ANKS1B: variants seen among roughly 807,000 people sequenced by gnomAD.
ANKS1B encodes ankyrin repeat and sterile alpha motif domain containing 1B.
Under a neutral mutation model 148.3 loss-of-function variants are expected in ANKS1B, and 36 were observed. That is an observed-to-expected ratio of 0.24 (90% CI 0.19 to 0.32). The LOEUF (loss-of-function observed/expected upper bound fraction) is 0.32. Among genes scored for constraint, ANKS1B ranks in the 10% least tolerant of loss-of-function variants. The pLI is 1.00. For missense variants in ANKS1B, 1,157 were observed against 1,542.6 expected (o/e 0.75, Z 4.19); for synonymous variants, 542 against 560.8 (o/e 0.97, Z 0.47).
intron 1 of ANKS1B, among the ~76,000 whole-genome samples, chr12:99,919,102 G>A (rs1293982019): frequency 6.6e-6 from 1 of 152,118 alleles, no homozygotes; most frequent in Admixed American, 6.6e-5. Flanking sequence ...CCCTATGCTT[G>A]AGGCATCAGA....
intron 15 of ANKS1B, among the ~76,000 whole-genome samples, chr12:99,125,170 G>C (rs574166198): frequency 6.6e-6 from 1 of 152,304 alleles, no homozygotes; most frequent in South Asian, 2.1e-4. Context: ...ATGTGCGTGA[G>C]AGCAGGGGTA....
chr12:99,550,086 T>A (rs2097204553), intron 9 of ANKS1B, among the ~76,000 whole-genome samples: 1 of 152,200 alleles, frequency 6.6e-6, no homozygotes, highest in African/African-American at 2.4e-5. Flanking sequence ...TCTCTCTCTT[T>A]TACCCTCGCC....
rs1245021991 is a variant in ANKS1B, at chr12:99,984,121, G to T, written c.117C>A (p.Pro39=). 1 of 1,613,400 alleles carries T rather than the reference G, an allele frequency of 6.2e-7. No homozygotes were observed. Among genetic ancestry groups the T allele is most frequent in the South Asian group, 1.1e-5 (1 of 91,024 alleles). The change falls in exon 1 of 27, where the codon CCC becomes CCA. Residue 39 remains proline (P), a synonymous_variant. Transcript: ENST00000683438. ...GTCCTTACCTTAGCAGATTAGACAGGGGCAGGGGTCCGGATCCACCGCCCA... is the reference window on the plus strand; with the variant it reads ...GTCCTTACCTTAGCAGATTAGACAGTGGCAGGGGTCCGGATCCACCGCCCA... The part of the protein sequence containing the change: ...GILGGGSGPL[P]LSNLLSIWRG...
chr12:99,425,533 T>C (rs1046293323), intron 11 of ANKS1B, among the ~76,000 whole-genome samples: 5 of 151,954 alleles, frequency 3.3e-5, no homozygotes, highest in Admixed American at 3.3e-4. Flanking sequence ...CCACCATTGT[T>C]CTACAAGACT....
At chr12:99,510,025 G>C (rs866893993) in intron 9 of ANKS1B, among the ~76,000 whole-genome samples, 32 of 151,888 alleles carry the variant, frequency 2.1e-4, no homozygotes, top group African/African-American at 7.2e-4. Flanking sequence ...CATGTCTGTT[G>C]GCAGCATGTC....
intron 2 of ANKS1B, among the ~76,000 whole-genome samples, chr12:99,817,794 C>T (rs182627746): frequency 2.0e-5 from 3 of 151,830 alleles, no homozygotes; most frequent in African/African-American, 7.2e-5. Context: ...GCCTGTTGGT[C>T]ATTTGTAAGT....
At chr12:99,197,908 TAAG>T (rs1437393929) in intron 14 of ANKS1B, among the ~76,000 whole-genome samples, 3 of 152,296 alleles carry the variant, frequency 2.0e-5, no homozygotes, top group Admixed American at 6.5e-5. Context: ...GTCACAGCAA[TAAG>T]AAGAATTATA....
intron 12 of ANKS1B, among the ~76,000 whole-genome samples, chr12:99,292,514 CA>C (rs58344288): frequency 3.9e-4 from 47 of 120,070 alleles, no homozygotes; most frequent in East Asian, 1.4e-3. Flanking sequence ...GACTCCATCT[CA>C]AAAAAAAAAA....
intron 12 of ANKS1B, among the ~76,000 whole-genome samples, chr12:99,360,554 A>G (rs2152426864): frequency 6.6e-6 from 1 of 152,250 alleles, no homozygotes; most frequent in East Asian, 1.9e-4. Flanking sequence ...TGACTTATGA[A>G]ATATTGTGAA....
At chr12:99,465,549 T>C (rs2096087786) in intron 10 of ANKS1B, among the ~76,000 whole-genome samples, 1 of 151,750 alleles carries the variant, frequency 6.6e-6, no homozygotes, top group African/African-American at 2.4e-5. Context: ...AGGAAACCCA[T>C]CTCACGTGCA....
intron 1 of ANKS1B, among the ~76,000 whole-genome samples, chr12:99,906,499 C>T (rs1284609652): frequency 1.3e-5 from 2 of 152,116 alleles, no homozygotes; most frequent in African/African-American, 4.8e-5. Flanking sequence ...ACTCATTCTC[C>T]GCTGAACGGA....
intron 12 of ANKS1B, among the ~76,000 whole-genome samples, chr12:99,364,116 T>G (rs1283501001): frequency 1.3e-5 from 2 of 152,086 alleles, no homozygotes; most frequent in Non-Finnish European, 2.9e-5. Flanking sequence ...GTACCACCCT[T>G]AAAGTTTGTA....
chr12:99,160,504 A>ATTTTTTT (rs3077550), intron 14 of ANKS1B, among the ~76,000 whole-genome samples: 1 of 136,756 alleles, frequency 7.3e-6, no homozygotes, highest in Non-Finnish European at 1.6e-5. Flanking sequence ...ACACCAGGCT[A>ATTTTTTT]TTTTTTTTTT....
chr12:99,020,396 TA>T (rs1167611955), intron 17 of ANKS1B, among the ~76,000 whole-genome samples: 2 of 152,254 alleles, frequency 1.3e-5, no homozygotes, highest in African/African-American at 4.8e-5. Context: ...AAAAGTATTT[TA>T]TCTGTTATTA....
At position 99,528,435 on chromosome 12, in the gene ANKS1B, A is replaced by AC. The variant is rs200079511; in HGVS notation, c.1273-23795_1273-23794insG. On this transcript the variant is annotated intron_variant, in intron 9 of 26. Coordinates refer to ENST00000683438, the MANE Select transcript of ANKS1B (RefSeq NM_001352186.2). ...AAAAACAGAACAAAAACAAAAACAA[A>AC]AAAAAAAACAAAAAAAAAACCATCA... 6.7e-3 allele frequency among the ~76,000 whole-genome samples: 664 copies of AC among 98,718 alleles called. 1 individual carries two copies. Among genetic ancestry groups the AC allele is most frequent in the Non-Finnish European group, 0.01 (479 of 46,996 alleles). 64.8% of individuals were successfully genotyped at this position (98,718 alleles called of 152,430 possible). A position where few individuals can be genotyped will look rare whatever the true frequency, so the allele number is the denominator to read the frequency against.
At chr12:99,896,963 G>A (rs1226007140) in intron 1 of ANKS1B, among the ~76,000 whole-genome samples, 2 of 151,064 alleles carry the variant, frequency 1.3e-5, no homozygotes, top group African/African-American at 2.4e-5. Context: ...TTGTTGTCTT[G>A]CACAAAAATC....
rs1292225392 is a variant in ANKS1B, at chr12:99,632,736, T to G, written c.1272+22331A>C. ...TGTCTTCCTTTTCTTTCTATATATA[T>G]ATATATATATATATATATATATATA... On this transcript the variant is annotated intron_variant, in intron 9 of 26. Coordinates refer to ENST00000683438, the MANE Select transcript of ANKS1B (RefSeq NM_001352186.2). Among the ~76,000 whole-genome samples the G allele has an allele frequency of 1.4e-3, 46 of 33,874 alleles. 2 individuals carry two copies. The South Asian group carries it at 0.021, about 15-fold the overall frequency. 22.2% of individuals were successfully genotyped at this position (33,874 alleles called of 152,430 possible).
At chr12:99,193,995 T>C (rs533338266) in intron 14 of ANKS1B, among the ~76,000 whole-genome samples, 7 of 151,600 alleles carry the variant, frequency 4.6e-5, no homozygotes, top group Non-Finnish European at 1.0e-4. Flanking sequence ...AGAGATGGGG[T>C]TTCATCATGT....
intron 8 of ANKS1B, among the ~76,000 whole-genome samples, chr12:99,666,718 CT>C (rs2098508931): frequency 6.6e-6 from 1 of 152,122 alleles, no homozygotes; most frequent in African/African-American, 2.4e-5. Context: ...TCTTTTCCCT[CT>C]AGCACTATTG....
Sources: allele counts gnomAD v4.1 joint callset (sites outside exome capture counted in the v4.1 genomes callset), GRCh38; gene constraint gnomAD v4.1.1; transcripts MANE v1.5; gene names NCBI Gene and HGNC (gene_info 2026-07-23, HGNC 2026-07-21).